RGS17: variants seen among roughly 807,000 people sequenced by gnomAD.
The protein encoded by RGS17 is regulator of G-protein signaling 17.
A neutral mutation model predicts 25.5 loss-of-function variants in RGS17; 12 were observed. That is an observed-to-expected ratio of 0.47 (90% CI 0.30 to 0.76). The LOEUF (loss-of-function observed/expected upper bound fraction) is 0.76. Ranked by LOEUF, RGS17 falls within the 30% of genes least tolerant of loss-of-function variation. The pLI is 0.07. For synonymous variants in RGS17, 71 were observed against 76.9 expected (o/e 0.92, Z 0.40); for missense variants, 196 against 242.2 (o/e 0.81, Z 1.27).
chr6:153,100,816 T>G (rs553077147), intron 1 of RGS17, among the ~76,000 whole-genome samples: 1 of 152,196 alleles, frequency 6.6e-6, no homozygotes, highest in Non-Finnish European at 1.5e-5. Flanking sequence ...CGTAACCTAC[T>G]CTTGTGCCAA....
intron 1 of RGS17, among the ~76,000 whole-genome samples, chr6:153,089,121 G>A (rs1460495139): frequency 1.3e-5 from 2 of 151,536 alleles, no homozygotes; most frequent in African/African-American, 4.8e-5. Context: ...TTTTAGGGAC[G>A]CTTCAAAGTC....
chr6:153,047,623 T>C (rs1266692117), intron 1 of RGS17, among the ~76,000 whole-genome samples: 1 of 152,166 alleles, frequency 6.6e-6, no homozygotes, highest in East Asian at 1.9e-4. Flanking sequence ...ATTAGTGCCC[T>C]TATAAGAAGA....
chr6:153,024,597 GC>G (rs1779280416), intron 3 of RGS17, 101 bp from the exon 4 acceptor site: 2 of 840,520 alleles, frequency 2.4e-6, no homozygotes, highest in Non-Finnish European at 3.9e-6. Flanking sequence ...TCAATTTGCT[GC>G]CATCTAGTGG....
chr6:153,121,001 T>C (rs1777623021), intron 1 of RGS17, among the ~76,000 whole-genome samples: 2 of 152,138 alleles, frequency 1.3e-5, no homozygotes, highest in Admixed American at 6.5e-5. Context: ...AATATAATAA[T>C]AACAGAAATT....
intron 1 of RGS17, among the ~76,000 whole-genome samples, chr6:153,105,332 G>A (rs1777363027): frequency 6.6e-6 from 1 of 152,080 alleles, no homozygotes; most frequent in Non-Finnish European, 1.5e-5. Flanking sequence ...CAGCTCCATG[G>A]ACAGCTAACA....
chr6:153,012,770 T>A (rs1344292015), intron 4 of RGS17, among the ~76,000 whole-genome samples: 4 of 152,216 alleles, frequency 2.6e-5, no homozygotes, highest in Non-Finnish European at 5.9e-5. Context: ...AAACCTTCCA[T>A]ATTTATATTT....
chr6:153,090,648 G>T (rs374635824), intron 1 of RGS17, among the ~76,000 whole-genome samples: 17 of 151,888 alleles, frequency 1.1e-4, no homozygotes, highest in African/African-American at 3.9e-4. Context: ...AAAGAAAATT[G>T]CAGAAATAAA....
intron 1 of RGS17, among the ~76,000 whole-genome samples, chr6:153,050,377 A>G (rs1776445646): frequency 6.6e-6 from 1 of 152,192 alleles, no homozygotes; most frequent in Non-Finnish European, 1.5e-5. Context: ...CCGTAATAAT[A>G]AGTAACACAT....
chr6:153,046,286 T>C (rs1481548339), intron 1 of RGS17, among the ~76,000 whole-genome samples: 3 of 148,706 alleles, frequency 2.0e-5, no homozygotes, highest in Non-Finnish European at 4.5e-5. Context: ...CACATCGCTG[T>C]AGGATGACTA....
intron 1 of RGS17, among the ~76,000 whole-genome samples, chr6:153,076,035 AT>A (rs1359668951): frequency 4.6e-5 from 7 of 152,174 alleles, no homozygotes; most frequent in African/African-American, 1.4e-4. Context: ...CTTTTGAGCT[AT>A]GTATTTAATG....
Position 153,011,356 on chromosome 6 carries a change from A to G in RGS17, c.*218T>C, listed in dbSNP as rs1779131091. 1.9e-6 allele frequency: 1 copy of G among 527,116 alleles called. No individual in the cohort carries two copies. The highest frequency in any genetic ancestry group is 2.5e-5 in the South Asian group (1 of 40,420). The allele number at this position is 527,116 out of a possible 1,614,324, so 32.7% of individuals were successfully genotyped here. ...GCAAGTAGAATGAGTCTTGAATAAA[A>G]CAAACAATTTGGCAATTCATTGTTT... On this transcript the variant is annotated 3_prime_UTR_variant, in exon 5 of 5. Transcript: ENST00000206262.
chr6:153,107,189 C>T lies in RGS17; in HGVS notation c.-26+23935G>A, dbSNP rs369851512. ...CTCTACTCAATAAACAAAAATTAGC[C>T]GGGCATGGTGGTGGGCGCCTGTAAT... On this transcript the variant is annotated intron_variant, in intron 1 of 4. Transcript: ENST00000206262. 6.6e-5 allele frequency among the ~76,000 whole-genome samples: 10 copies of T among 151,786 alleles called. No individual in the cohort carries two copies. The East Asian group carries it at 1.6e-3, about 24-fold the overall frequency.
At chr6:153,038,252 T>C (rs768493265) in intron 2 of RGS17, among the ~76,000 whole-genome samples, 2 of 152,208 alleles carry the variant, frequency 1.3e-5, no homozygotes, top group Admixed American at 6.5e-5. Context: ...GACTCTGGAC[T>C]TCTTCACCAG....
intron 4 of RGS17, chr6:153,023,312 G>A (rs1779265052): frequency 8.2e-6 from 4 of 486,166 alleles, no homozygotes; most frequent in South Asian, 4.5e-5. Flanking sequence ...TAAATGCAAA[G>A]GTAAAAATCA....
chr6:153,087,890 A>T (rs1043520335), intron 1 of RGS17, among the ~76,000 whole-genome samples: 2 of 152,210 alleles, frequency 1.3e-5, no homozygotes, highest in Non-Finnish European at 2.9e-5. Flanking sequence ...TTCCACACCA[A>T]TGTATAATCC....
intron 1 of RGS17, among the ~76,000 whole-genome samples, chr6:153,070,056 T>C (rs968743997): frequency 2.6e-5 from 4 of 152,044 alleles, no homozygotes; most frequent in Non-Finnish European, 4.4e-5. Context: ...TAGCAAAACA[T>C]TTTTGCTCAT....
intron 1 of RGS17, among the ~76,000 whole-genome samples, chr6:153,101,292 T>C (rs1777299933): frequency 6.6e-6 from 1 of 152,162 alleles, no homozygotes; most frequent in Non-Finnish European, 1.5e-5. Context: ...AGTACAGTAT[T>C]CACAGGATGC....
At chr6:153,013,143 CA>C (rs1779150990) in intron 4 of RGS17, among the ~76,000 whole-genome samples, 2 of 152,180 alleles carry the variant, frequency 1.3e-5, no homozygotes, top group South Asian at 4.1e-4. Context: ...AGTCGACTGG[CA>C]CCATTTTTCC....
intron 1 of RGS17, among the ~76,000 whole-genome samples, chr6:153,114,339 G>C (rs1237862563): frequency 6.6e-6 from 1 of 152,092 alleles, no homozygotes; most frequent in Non-Finnish European, 1.5e-5. Context: ...AGAAGAAATG[G>C]ATAAATTCCT....
Sources: gnomAD v4.1 joint callset for allele counts (sites outside exome capture counted in the v4.1 genomes callset) on GRCh38, gnomAD v4.1.1 for gene constraint, MANE v1.5 for transcripts, NCBI Gene and HGNC (gene_info 2026-07-23, HGNC 2026-07-21) for gene names.